Variants in HPSE2 observed in about 807,000 individuals in gnomAD.
The protein encoded by HPSE2 is inactive heparanase-2.
In HPSE2, 38 loss-of-function variants were observed where a neutral mutation model predicts 60.5. That is an observed-to-expected ratio of 0.63 (90% CI 0.48 to 0.82). The LOEUF is 0.82. Ranked by LOEUF, HPSE2 falls within the 40% of genes least tolerant of loss-of-function variation. The probability of loss-of-function intolerance (pLI) is 0.00; values close to 1 mark genes in which losing one functional copy is unlikely to be tolerated. For synonymous variants in HPSE2, 295 were observed against 293.2 expected, an observed-to-expected ratio of 1.01 and a Z score of -0.06; for missense variants, 713 against 740.4, an observed-to-expected ratio of 0.96 and a Z score of 0.43.
At chr10:99,043,621 C>T (rs1248113687) in intron 3 of HPSE2, among the ~76,000 whole-genome samples, 1 of 152,154 alleles carries the variant, frequency 6.6e-6, no homozygotes, top group Non-Finnish European at 1.5e-5. Context: ...CCAAGGAATG[C>T]AGTAAAATGA....
intron 1 of HPSE2, among the ~76,000 whole-genome samples, chr10:99,234,684 C>A (rs945886893): frequency 4.6e-5 from 7 of 152,260 alleles, no homozygotes; most frequent in African/African-American, 1.7e-4. Context: ...CACAAACCTC[C>A]GGGTTTGCTA....
At chr10:99,100,912 A>G (rs572063971) in intron 3 of HPSE2, among the ~76,000 whole-genome samples, 1 of 152,350 alleles carries the variant, frequency 6.6e-6, no homozygotes, top group South Asian at 2.1e-4. Flanking sequence ...AGTGAAGGAG[A>G]AATAAAATAC....
At chr10:98,665,358 A>G (rs899481006) in intron 6 of HPSE2, among the ~76,000 whole-genome samples, 1 of 152,220 alleles carries the variant, frequency 6.6e-6, no homozygotes. Flanking sequence ...CTTGGAAAAC[A>G]TATTTGAAGA....
rs5787324 is a variant in HPSE2, at chr10:99,160,120, C to CA, written c.449-15722dup. On this transcript the variant is annotated intron_variant, in intron 2 of 11. Coordinates refer to ENST00000370552, the MANE Select transcript of HPSE2 (RefSeq NM_021828.5). ...TGCACCACTGCACTCTAGACTCTGA[C>CA]AAAAAAAAAAAAAGATATAATTAAG... 7.4e-3 allele frequency among the ~76,000 whole-genome samples: 953 copies of CA among 129,070 alleles called. 8 individuals are homozygous for CA. Among genetic ancestry groups the CA allele is most frequent in the African/African-American group, 0.027 (834 of 30,534 alleles). 84.7% of individuals were successfully genotyped at this position (129,070 alleles called of 152,430 possible).
intron 4 of HPSE2, among the ~76,000 whole-genome samples, chr10:98,730,568 T>C (rs760209252): frequency 6.6e-6 from 1 of 151,964 alleles, no homozygotes; most frequent in Non-Finnish European, 1.5e-5. Context: ...GATATACCTT[T>C]AGTTAGACTG....
intron 3 of HPSE2, among the ~76,000 whole-genome samples, chr10:98,999,639 G>A (rs751811992): frequency 2.6e-5 from 4 of 152,136 alleles, no homozygotes; most frequent in South Asian, 2.1e-4. Flanking sequence ...GGAGAGGAAC[G>A]GGAAAAGCAT....
chr10:99,225,983 G>C (rs148044922), intron 2 of HPSE2, among the ~76,000 whole-genome samples: 2 of 151,968 alleles, frequency 1.3e-5, no homozygotes, highest in Non-Finnish European at 2.9e-5. Flanking sequence ...AATTTCTAAT[G>C]TACTTTATTT....
chr10:98,484,188 C>A, intron 10 of HPSE2, among the ~76,000 whole-genome samples: 1 of 148,222 alleles, frequency 6.7e-6, no homozygotes. Context: ...TCCTTTCTTC[C>A]TTCCTTCCTT....
At chr10:99,226,866 A>C (rs1354368001) in intron 2 of HPSE2, among the ~76,000 whole-genome samples, 1 of 152,076 alleles carries the variant, frequency 6.6e-6, no homozygotes, top group Non-Finnish European at 1.5e-5. Context: ...ATCTCGCCTA[A>C]AGCAATTATT....
intron 3 of HPSE2, among the ~76,000 whole-genome samples, chr10:99,108,462 G>A (rs1302252662): frequency 6.6e-6 from 1 of 151,186 alleles, no homozygotes; most frequent in Admixed American, 6.6e-5. Context: ...TTAGATATCT[G>A]TTTCTTCCAA....
At chr10:99,312,510 C>T in the HPSE2 span, among the ~76,000 whole-genome samples, 1 of 152,336 alleles carries the variant, frequency 6.6e-6, no homozygotes, top group Admixed American at 6.5e-5. Flanking sequence ...GACAACACAT[C>T]TGTTTACAGC....
At chr10:99,107,645 T>C (rs574131936) in intron 3 of HPSE2, among the ~76,000 whole-genome samples, 4 of 152,336 alleles carry the variant, frequency 2.6e-5, no homozygotes, top group Admixed American at 6.5e-5. Context: ...ATTCAACTTA[T>C]TGTTCTCCAT....
chr10:98,873,304 G>A (rs1952783538), intron 3 of HPSE2, among the ~76,000 whole-genome samples: 3 of 151,728 alleles, frequency 2.0e-5, no homozygotes, highest in Admixed American at 2.0e-4. Context: ...AGGTATACAC[G>A]TGCCATGGTG....
At chr10:99,312,267 C>G in the HPSE2 span, among the ~76,000 whole-genome samples, 1 of 152,224 alleles carries the variant, frequency 6.6e-6, no homozygotes, top group Non-Finnish European at 1.5e-5. Flanking sequence ...ACAGCCTTCT[C>G]TTGGAACCAG....
chr10:98,605,951 G>T (rs1429351421), intron 9 of HPSE2, among the ~76,000 whole-genome samples: 3 of 152,172 alleles, frequency 2.0e-5, no homozygotes, highest in Non-Finnish European at 2.9e-5. Context: ...CTTCAGTGAA[G>T]ACCTCCTTAG....
intron 2 of HPSE2, among the ~76,000 whole-genome samples, chr10:99,203,080 C>A (rs1260763430): frequency 6.6e-6 from 1 of 152,112 alleles, no homozygotes; most frequent in Admixed American, 6.5e-5. Context: ...GCAGCATCAG[C>A]TTTTGGCCTG....
chr10:99,035,148 T>C (rs1333537637), intron 3 of HPSE2, among the ~76,000 whole-genome samples: 2 of 152,254 alleles, frequency 1.3e-5, no homozygotes, highest in African/African-American at 2.4e-5. Context: ...GTTTTTACTT[T>C]ATAAACTTTT....
Position 98,971,350 on chromosome 10 carries a change from T to C in HPSE2, c.610+172888A>G, listed in dbSNP as rs191144714. 1.5e-4 allele frequency among the ~76,000 whole-genome samples: 23 copies of C among 152,274 alleles called. No individual in the cohort carries two copies. In the East Asian group the frequency reaches 4.4e-3, roughly 29 times the overall value. ...CAAATGCAGAGGATATAATTAATTC[T>C]ACTCAGTTAATGACACTTCATCATC... is the stretch of plus-strand genomic sequence containing the variant. On this transcript the variant is annotated intron_variant, in intron 3 of 11. Coordinates refer to ENST00000370552, the MANE Select transcript of HPSE2 (RefSeq NM_021828.5).
intron 3 of HPSE2, among the ~76,000 whole-genome samples, chr10:98,779,831 T>A (rs1950424896): frequency 6.6e-6 from 1 of 152,066 alleles, no homozygotes; most frequent in African/African-American, 2.4e-5. Context: ...CTGCCAGTGT[T>A]TTTGAGAGTA....
Sources: gnomAD v4.1 joint callset for allele counts (sites outside exome capture counted in the v4.1 genomes callset) on GRCh38, gnomAD v4.1.1 for gene constraint, MANE v1.5 for transcripts, NCBI Gene and HGNC (gene_info 2026-07-23, HGNC 2026-07-21) for gene names.